The following PFDN5 variants were observed in gnomAD, a reference collection of about 807,000 sequenced individuals.
The protein encoded by PFDN5 is prefoldin subunit 5.
Under a neutral mutation model 21.5 loss-of-function variants are expected in PFDN5, and 13 were observed. That is an observed-to-expected ratio of 0.60 (90% CI 0.39 to 0.96). The LOEUF (loss-of-function observed/expected upper bound fraction) is 0.96. PFDN5 is among the 40% of genes least tolerant of loss of function. The probability of loss-of-function intolerance (pLI) is 0.00; values close to 1 mark genes in which losing one functional copy is unlikely to be tolerated. For synonymous variants in PFDN5, 84 were observed against 68.9 expected, an observed-to-expected ratio of 1.22 and a Z score of -1.08; for missense variants, 188 against 186.2, an observed-to-expected ratio of 1.01 and a Z score of -0.06.
At chr12:53,295,733 T>C (rs1944141755) in intron 1 of PFDN5, 94 bp downstream of exon 1, 3 of 1,334,380 alleles carry the variant, frequency 2.2e-6, no homozygotes, top group Admixed American at 3.4e-5. Context: ...GCAGCCTACC[T>C]TTCCCAGGCG....
intron 5 of PFDN5, 29 bp from the exon 6 acceptor site, chr12:53,299,240 T>C (rs1271879103): frequency 8.4e-6 from 13 of 1,549,108 alleles, no homozygotes; most frequent in African/African-American, 2.7e-5. Flanking sequence ...TTTTTGCTTC[T>C]AACCTTTGAC....
At chr12:53,299,091 GTGCCAC>G in intron 5 of PFDN5, 172 bp from the exon 6 acceptor site, 1 of 431,378 alleles carries the variant, frequency 2.3e-6, no homozygotes. Context: ...AGCCAAGATC[GTGCCAC>G]TGCACTCCAG....
In PFDN5 at chr12:53,296,266, G is replaced by A. The variant is rs1444876389; in HGVS notation, c.198G>A (p.Leu66=). 1 of 1,608,018 alleles carries A rather than the reference G, an allele frequency of 6.2e-7. No homozygotes were observed. Among genetic ancestry groups the A allele is most frequent in the Admixed American group, 1.7e-5 (1 of 59,564 alleles). Residue 66 remains leucine, a synonymous_variant, in exon 3 of 6, where the codon CTG becomes CTA. Coordinates refer to ENST00000334478, the MANE Select transcript of PFDN5 (RefSeq NM_002624.4). Reference sequence around the variant, plus strand: ...CAGGGAAAGAATTACTCGTCCCACTGACGAGTTCTGTATCCTTTCCACAGG... The same window carrying A: ...CAGGGAAAGAATTACTCGTCCCACTAACGAGTTCTGTATCCTTTCCACAGG... ...SNEGKELLVP[L]TSSMYVPGKL...
chr12:53,295,742 C>A, intron 1 of PFDN5, 97 bp from the exon 2 acceptor site: 2 of 1,292,772 alleles, frequency 1.5e-6, no homozygotes, highest in Non-Finnish European at 1.1e-6. Flanking sequence ...CTTTCCCAGG[C>A]GAAACCTCTA....
intron 2 of PFDN5, 127 bp from the exon 3 acceptor site, chr12:53,296,117 T>C: frequency 2.4e-6 from 2 of 840,520 alleles, no homozygotes; most frequent in Non-Finnish European, 4.0e-6. Context: ...ATTCCTCTGC[T>C]CCTATTGCCC....
chr12:53,299,290 A>T lies in PFDN5; in HGVS notation c.410A>T (p.Gln137Leu). Reference sequence around the variant, plus strand: ...ACAGCCGTCATGGAAATGATGAGTCAGAAGATTCAGCAGCTCACAGCCCTG... The same window carrying T: ...ACAGCCGTCATGGAAATGATGAGTCTGAAGATTCAGCAGCTCACAGCCCTG... ...MKQAVMEMMS[Q>L]KIQQLTALGA... The change falls in exon 6 of 6, where the codon CAG becomes CTG. Residue 137 changes from glutamine (Q) to leucine (L), a missense_variant. Gln to Leu is a moderately radical substitution (Grantham distance 113). Coordinates refer to ENST00000334478, the MANE Select transcript of PFDN5 (RefSeq NM_002624.4). 6.2e-7 allele frequency: 1 copy of T among 1,612,758 alleles called. No individual in the cohort carries two copies. Among genetic ancestry groups the T allele is most frequent in the Non-Finnish European group, 8.5e-7 (1 of 1,179,174 alleles).
intron 5 of PFDN5, chr12:53,298,358 G>A: frequency 2.0e-6 from 1 of 503,936 alleles, no homozygotes; most frequent in Non-Finnish European, 3.6e-6. Flanking sequence ...AATCATGTTT[G>A]TGCTTTGGTG....
intron 3 of PFDN5, 185 bp downstream of exon 3, chr12:53,296,460 G>A (rs1395508819): frequency 1.5e-6 from 1 of 682,130 alleles, no homozygotes; most frequent in East Asian, 2.7e-5. Flanking sequence ...CCAGGCTGGA[G>A]CGCAATGGTG....
At chr12:53,295,776 C>A in intron 1 of PFDN5, 63 bp from the exon 2 acceptor site, 1 of 1,270,324 alleles carries the variant, frequency 7.9e-7, no homozygotes, top group Non-Finnish European at 1.2e-6. Flanking sequence ...CCTGCCCCCT[C>A]CCCGGCCGCG....
intron 1 of PFDN5, 36 bp downstream of exon 1, chr12:53,295,675 C>G (rs755978016): frequency 3.2e-6 from 5 of 1,554,262 alleles, no homozygotes; most frequent in Admixed American, 1.7e-5. Context: ...CTTTCCTGCT[C>G]TACATCCCCC....
Position 53,295,903 on chromosome 12 carries a change from C to T in PFDN5, c.137C>T (p.Ala46Val), listed in dbSNP as rs778547269. 3.4e-5 allele frequency: 55 copies of T among 1,612,076 alleles called. No homozygotes were observed. Among genetic ancestry groups the T allele is most frequent in the Admixed American group, 8.3e-5 (5 of 59,998 alleles). ...LKVVQTKYVE[A>V]KDCLNVLNKS... ...GTGGTACAGACCAAGTATGTGGAAG[C>T]CAAGGACTGTCTGAACGTGCTGAAC... Residue 46 changes from alanine (A) to valine (V), a missense_variant, in exon 2 of 6, where the codon GCC (alanine) becomes GTC (valine). Transcript: ENST00000334478.
intron 5 of PFDN5, chr12:53,298,933 C>A (rs967791503): frequency 1.3e-5 from 3 of 228,950 alleles, no homozygotes; most frequent in Non-Finnish European, 2.7e-5. Flanking sequence ...GTTAGGAGTT[C>A]AAGACCAGCC....
At position 53,295,780 on chromosome 12, in the gene PFDN5, G is replaced by A. The variant is rs569592287; in HGVS notation, c.73-59G>A. 41 of 1,285,840 alleles carry A rather than the reference G, an allele frequency of 3.2e-5. No homozygotes were observed. In the African/African-American group the frequency reaches 5.5e-4, roughly 17 times the overall value. 79.7% of individuals were successfully genotyped at this position (1,285,840 alleles called of 1,614,324 possible). On this transcript the variant is annotated intron_variant, in intron 1 of 5. Transcript: ENST00000334478. ...CGATCCCAGGACCTGCCCCCTCCCC[G>A]GCCGCGCTCCTTTCTCCCCTTAGTC...
chr12:53,295,977 C>G (rs369731723), intron 2 of PFDN5, 36 bp downstream of exon 2: 24 of 1,265,208 alleles, frequency 1.9e-5, no homozygotes, highest in Non-Finnish European at 2.7e-5. Context: ...CCTAAAGTGG[C>G]GAACCTGCTT....
At chr12:53,297,800 C>A in intron 3 of PFDN5, 50 bp from the exon 4 acceptor site, 1 of 1,405,986 alleles carries the variant, frequency 7.1e-7, no homozygotes, top group Non-Finnish European at 1.0e-6. Flanking sequence ...CTGGCGGAAT[C>A]ATGGCTCATG....
intron 2 of PFDN5, 103 bp downstream of exon 2, chr12:53,296,044 A>T (rs1326983179): frequency 1.2e-6 from 1 of 801,182 alleles, no homozygotes; most frequent in Non-Finnish European, 2.1e-6. Flanking sequence ...AATCCATTAC[A>T]TATCGTATAC....
At chr12:53,299,028 C>G (rs1393979954) in intron 5 of PFDN5, 1 of 347,988 alleles carries the variant, frequency 2.9e-6, no homozygotes. Flanking sequence ...CCCAGCTGTT[C>G]GGGAGGATGA....
chr12:53,299,029 G>T (rs1034725989), intron 5 of PFDN5: 2 of 350,996 alleles, frequency 5.7e-6, no homozygotes, highest in Non-Finnish European at 1.1e-5. Context: ...CCAGCTGTTC[G>T]GGAGGATGAG....
intron 3 of PFDN5, chr12:53,296,759 C>T: frequency 7.8e-6 from 2 of 256,520 alleles, no homozygotes; most frequent in Non-Finnish European, 1.5e-5. Flanking sequence ...TCTGACTTCA[C>T]ACCAACATCC....
Sources: allele counts gnomAD v4.1 joint callset, GRCh38; gene constraint gnomAD v4.1.1; transcripts MANE v1.5; gene names NCBI Gene and HGNC (gene_info 2026-07-23, HGNC 2026-07-21).